The following MYH11 variants were observed in gnomAD, a reference collection of about 807,000 sequenced individuals.
MYH11 encodes the protein myosin heavy chain 11.
Under a neutral mutation model 246.6 loss-of-function variants are expected in MYH11, and 80 were observed. The ratio of observed to expected loss-of-function variants is 0.32; its 90% CI spans 0.27 to 0.39. The LOEUF (loss-of-function observed/expected upper bound fraction) is 0.39, where lower values mean the gene tolerates loss of function less well. MYH11 is among the 10% of genes least tolerant of loss of function. The pLI, the probability that MYH11 is intolerant of heterozygous loss-of-function variation, is 1.00. For synonymous variants in MYH11, 1,071 were observed against 1,015.5 expected (o/e 1.05, Z -1.04); for missense variants, 2,158 against 2,546.8 (o/e 0.85, Z 3.29).
At chr16:15,726,724 C>A (rs1041208425) in intron 28 of MYH11, 124 bp downstream of exon 28, 3 of 1,139,672 alleles carry the variant, frequency 2.6e-6, no homozygotes, top group Non-Finnish European at 3.9e-6. Flanking sequence ...CCTCCAGGAA[C>A]GCAACTAGAG....
intron 1 of MYH11, among the ~76,000 whole-genome samples, chr16:15,844,621 C>T (rs2044141483): frequency 1.3e-5 from 2 of 152,082 alleles, no homozygotes; most frequent in Non-Finnish European, 2.9e-5. Context: ...TTTGGGAGGC[C>T]AAGGCAGGAG....
intron 1 of MYH11, among the ~76,000 whole-genome samples, chr16:15,844,673 T>G (rs974270260): frequency 3.3e-5 from 5 of 151,658 alleles, no homozygotes; most frequent in African/African-American, 1.2e-4. Context: ...CTGGGCATTA[T>G]AGCAAGACCC....
chr16:15,725,754 G>A lies in MYH11; in HGVS notation c.3859-762C>T, dbSNP rs1313973600. 4.3e-5 allele frequency: 17 copies of A among 398,646 alleles called. No homozygotes were observed. In the East Asian group the frequency reaches 5.7e-4, roughly 13 times the overall value. The allele number at this position is 398,646 out of a possible 1,614,324, so 24.7% of individuals were successfully genotyped here. On this transcript the variant is annotated intron_variant, in intron 28 of 40. Transcript: ENST00000300036. ...AAACATTTGTGAAAACTTTGGCCACGTCCCCATGAGTGGCAAGGCAGGGTA... is the reference window on the plus strand; with the variant it reads ...AAACATTTGTGAAAACTTTGGCCACATCCCCATGAGTGGCAAGGCAGGGTA...
Position 15,823,209 on chromosome 16 carries a change from G to A in MYH11, c.502+46C>T, listed in dbSNP as rs747008104. The A allele has an allele frequency of 2.5e-6, 4 of 1,612,220 alleles. No individual in the cohort carries two copies. The African/African-American group carries it at 4.0e-5, about 16-fold the overall frequency. ...CAAGAACTGCAGACAAGCAGGACAG[G>A]AGGGGCTCCCTGGAGCTGGCCCCGT... On this transcript the variant is annotated intron_variant, in intron 3 of 40. Transcript: ENST00000300036.
rs1567668088 is a variant in MYH11, at chr16:15,703,829, T to C, written c.*162A>G. On this transcript the variant is annotated 3_prime_UTR_variant, in exon 41 of 41. Transcript: ENST00000300036. ...AGGGTGGTGGTTTTTATATTCCTTG[T>C]GTGAGGGGTGTCTGTGATATTTGGA... 1.1e-6 allele frequency: 1 copy of C among 937,992 alleles called. No homozygotes were observed. The highest frequency in any genetic ancestry group is 1.7e-6 in the Non-Finnish European group (1 of 588,950). 58.1% of individuals were successfully genotyped at this position (937,992 alleles called of 1,614,324 possible). A position where few individuals can be genotyped will look rare whatever the true frequency, so the allele number is the denominator to read the frequency against.
intron 27 of MYH11, among the ~76,000 whole-genome samples, chr16:15,730,357 C>T (rs1303330513): frequency 4.2e-5 from 6 of 143,322 alleles, no homozygotes; most frequent in Non-Finnish European, 8.9e-5. Flanking sequence ...CATGGCAAAA[C>T]CCCATCTCTA....
rs367863576 is a variant in MYH11 at position 15,768,994 on chromosome 16, C to T, written c.1033+2575G>A. Among the ~76,000 whole-genome samples, 15 of 151,380 alleles carry T rather than the reference C, an allele frequency of 9.9e-5. No homozygotes were observed. In the East Asian group the frequency reaches 2.7e-3, roughly 28 times the overall value. On this transcript the variant is annotated intron_variant, in intron 9 of 40. Coordinates refer to ENST00000300036, the MANE Select transcript of MYH11 (RefSeq NM_002474.3). ...GGTGAAGCCTTGTCTCTACCCACCC[C>T]TCCAAAAATCAAACCAAAACAAAAC...
At chr16:15,737,278 G>A (rs2041146040) in intron 25 of MYH11, among the ~76,000 whole-genome samples, 171 bp downstream of exon 25, 1 of 152,164 alleles carries the variant, frequency 6.6e-6, no homozygotes, top group Non-Finnish European at 1.5e-5. Flanking sequence ...GTGAGGATCT[G>A]GGGGAGTGAA....
rs57266882 is a variant in MYH11 at position 15,728,026 on chromosome 16, C to T, written c.3652-972G>A. Among the ~76,000 whole-genome samples, 290 of 152,202 alleles carry T rather than the reference C, an allele frequency of 1.9e-3. 5 individuals are homozygous for T. Among genetic ancestry groups the T allele is most frequent in the Middle Eastern group, 0.017 (5 of 294 alleles). Reference sequence around the variant, plus strand: ...GGTGGATCACTTGAGGTGAGGAGTTCGAGACCAGCCTGGCCAACATGGCGA... The same window carrying T: ...GGTGGATCACTTGAGGTGAGGAGTTTGAGACCAGCCTGGCCAACATGGCGA... On this transcript the variant is annotated intron_variant, in intron 27 of 40. Coordinates refer to ENST00000300036, the MANE Select transcript of MYH11 (RefSeq NM_002474.3).
At chr16:15,816,831 G>C (rs1426910763) in intron 3 of MYH11, among the ~76,000 whole-genome samples, 1 of 150,902 alleles carries the variant, frequency 6.6e-6, no homozygotes, top group African/African-American at 2.4e-5. Flanking sequence ...TTGAGAAGTA[G>C]CAGAGGATGG....
At chr16:15,770,484 C>A (rs2042075842) in intron 9 of MYH11, among the ~76,000 whole-genome samples, 1 of 152,190 alleles carries the variant, frequency 6.6e-6, no homozygotes, top group South Asian at 2.1e-4. Context: ...TCTTTCTGAG[C>A]TGTCCTGTTC....
In MYH11 at chr16:15,718,303, G is replaced by A. The variant is rs1278404427; in HGVS notation, c.5295+12C>T. 1 of 1,608,186 alleles carries A rather than the reference G, an allele frequency of 6.2e-7. No individual in the cohort carries two copies. The highest frequency in any genetic ancestry group is 8.5e-7 in the Non-Finnish European group (1 of 1,179,968). The stretch of plus-strand genomic sequence containing the variant: ...GTAGGCAGCGTGACTGTGGTGTCCA[G>A]GCGGCCCTCACCTGCTGTGTGGCTT... On this transcript the variant is annotated intron_variant, in intron 37 of 40. Transcript: ENST00000300036.
rs1363003733 is a variant in MYH11 at position 15,747,738 on chromosome 16, A to G, written c.2251-8T>C. ...AAGTTCCAGGGCTTTGATCTGCAAA[A>G]GGAAGGAAAGGAAGAGCTCCTGATT... On this transcript the variant is annotated splice_region_variant and splice_polypyrimidine_tract_variant and intron_variant, in intron 18 of 40. Coordinates refer to ENST00000300036, the MANE Select transcript of MYH11 (RefSeq NM_002474.3). 2 of 1,613,852 alleles carry G rather than the reference A, an allele frequency of 1.2e-6. No individual in the cohort carries two copies. The highest frequency in any genetic ancestry group is 3.3e-5 in the Admixed American group (2 of 59,982).
At chr16:15,817,301 G>C (rs1010613917) in intron 3 of MYH11, among the ~76,000 whole-genome samples, 4 of 152,108 alleles carry the variant, frequency 2.6e-5, no homozygotes, top group Admixed American at 6.6e-5. Context: ...AAACCAGCCT[G>C]GCCAACATGG....
intron 40 of MYH11, chr16:15,708,764 C>T (rs985428245): frequency 1.3e-6 from 2 of 1,591,064 alleles, no homozygotes; most frequent in Non-Finnish European, 8.6e-7. Context: ...GAAATGGATA[C>T]TGAGACAACA....
intron 2 of MYH11, among the ~76,000 whole-genome samples, chr16:15,832,098 C>G (rs532647666): frequency 7.2e-5 from 11 of 152,230 alleles, no homozygotes; most frequent in Admixed American, 3.3e-4. Flanking sequence ...GTGGACACTG[C>G]TTCCAGAGTA....
At chr16:15,823,818 G>T (rs971844431) in intron 2 of MYH11, among the ~76,000 whole-genome samples, 1 of 152,112 alleles carries the variant, frequency 6.6e-6, no homozygotes, top group African/African-American at 2.4e-5. Context: ...TAGAGACATG[G>T]GTTTCACTGT....
At chr16:15,838,688 C>T (rs1052161726) in intron 1 of MYH11, among the ~76,000 whole-genome samples, 2 of 151,650 alleles carry the variant, frequency 1.3e-5, no homozygotes. Context: ...GGTGAAACCC[C>T]GTCTCTACTG....
At chr16:15,802,680 C>A (rs2042915108) in intron 3 of MYH11, among the ~76,000 whole-genome samples, 1 of 152,274 alleles carries the variant, frequency 6.6e-6, no homozygotes, top group South Asian at 2.1e-4. Flanking sequence ...CACTCTTGGG[C>A]TCAAGTGACC....
Sources: allele counts gnomAD v4.1 joint callset (sites outside exome capture counted in the v4.1 genomes callset), GRCh38; gene constraint gnomAD v4.1.1; transcripts MANE v1.5; gene names NCBI Gene and HGNC (gene_info 2026-07-23, HGNC 2026-07-21).